Variants in MAML2 observed in about 807,000 individuals in gnomAD.
MAML2 encodes the protein mastermind like transcriptional coactivator 2, also known as mastermind-like protein 2.
Under a neutral mutation model 96.1 loss-of-function variants are expected in MAML2, and 22 were observed. The ratio of observed to expected loss-of-function variants is 0.23; its 90% CI spans 0.16 to 0.33. The LOEUF (loss-of-function observed/expected upper bound fraction) is 0.33, where lower values mean the gene tolerates loss of function less well. Among genes scored for constraint, MAML2 ranks in the 10% least tolerant of loss-of-function variants. The probability of loss-of-function intolerance (pLI) is 1.00; values close to 1 mark genes in which losing one functional copy is unlikely to be tolerated. For synonymous variants in MAML2, 561 were observed against 521.3 expected, an observed-to-expected ratio of 1.08 and a Z score of -1.04; for missense variants, 1,367 against 1,392.4, an observed-to-expected ratio of 0.98 and a Z score of 0.29.
At chr11:96,052,389 C>G (rs74481536) in intron 2 of MAML2, among the ~76,000 whole-genome samples, 5,349 of 152,234 alleles carry the variant, frequency 0.035, 310 homozygotes, top group African/African-American at 0.12. Flanking sequence ...ACTGTTTTGA[C>G]TACAGAGAAA....
At chr11:96,245,705 A>AT (rs59597889) in intron 1 of MAML2, among the ~76,000 whole-genome samples, 40,320 of 136,922 alleles carry the variant, frequency 0.29, 6,509 homozygotes, top group East Asian at 0.37. Flanking sequence ...CCCATACCTA[A>AT]TTTTTTTTTT....
At chr11:96,007,337 T>C (rs4448653) in intron 2 of MAML2, among the ~76,000 whole-genome samples, 35,835 of 151,918 alleles carry the variant, frequency 0.24, 4,539 homozygotes, top group East Asian at 0.38. Context: ...AAAGGCGTTT[T>C]TCTTCTATAA....
intron 1 of MAML2, among the ~76,000 whole-genome samples, chr11:96,144,104 G>T (rs1022914808): frequency 4.6e-5 from 7 of 152,300 alleles, no homozygotes; most frequent in African/African-American, 1.7e-4. Context: ...ATGACATAAA[G>T]AAATGAGCTT....
chr11:96,124,116 AAG>A (rs1860397644), intron 1 of MAML2, among the ~76,000 whole-genome samples: 1 of 151,470 alleles, frequency 6.6e-6, no homozygotes. Context: ...AAAAAAAAAA[AAG>A]GAGTAAACCC....
At chr11:96,026,106 C>T (rs990934663) in intron 2 of MAML2, among the ~76,000 whole-genome samples, 1 of 152,024 alleles carries the variant, frequency 6.6e-6, no homozygotes, top group African/African-American at 2.4e-5. Flanking sequence ...AGTAACTAGC[C>T]CCAGTTAGAC....
chr11:96,330,190 C>T (rs1357698630), intron 1 of MAML2, among the ~76,000 whole-genome samples: 1 of 152,052 alleles, frequency 6.6e-6, no homozygotes, highest in East Asian at 1.9e-4. Flanking sequence ...TCTGAGGAAG[C>T]CTAGGAGAAT....
chr11:96,054,855 TATTCAGATTAGAAA>T (rs1450111836), intron 2 of MAML2, among the ~76,000 whole-genome samples: 24 of 152,318 alleles, frequency 1.6e-4, no homozygotes, highest in African/African-American at 5.5e-4. Flanking sequence ...GGGATTTCTT[TATTCAGATTAGAAA>T]AAAATAAATT....
rs151222140 is a variant in MAML2, at chr11:96,123,888, G to A, written c.514-30371C>T. On this transcript the variant is annotated intron_variant, in intron 1 of 4. Coordinates refer to ENST00000524717, the MANE Select transcript of MAML2 (RefSeq NM_032427.4). ...CAGGAGTTTGAGACTAGCCTAACAT[G>A]GTGAAAACCCGTCTCTACTAATAAT... is the stretch of plus-strand genomic sequence containing the variant. 5.1e-3 allele frequency among the ~76,000 whole-genome samples: 780 copies of A among 152,072 alleles called. 8 individuals are homozygous for A. The highest frequency in any genetic ancestry group is 0.018 in the African/African-American group (757 of 41,486).
intron 1 of MAML2, among the ~76,000 whole-genome samples, chr11:96,204,928 A>C (rs566730426): frequency 1.8e-4 from 27 of 152,276 alleles, no homozygotes; most frequent in South Asian, 6.2e-4. Context: ...TATTACATTG[A>C]TCGGAGGGCC....
chr11:96,205,395 T>C (rs1861881954), intron 1 of MAML2, among the ~76,000 whole-genome samples: 1 of 152,256 alleles, frequency 6.6e-6, no homozygotes, highest in South Asian at 2.1e-4. Context: ...TTTAGCATCA[T>C]GCATTTAGCA....
At chr11:96,223,161 TAAC>T (rs1830352101) in intron 1 of MAML2, among the ~76,000 whole-genome samples, 1 of 152,172 alleles carries the variant, frequency 6.6e-6, no homozygotes, top group Non-Finnish European at 1.5e-5. Flanking sequence ...ACTGTCATTA[TAAC>T]AACATAATTA....
At chr11:96,134,972 A>G (rs1860604762) in intron 1 of MAML2, among the ~76,000 whole-genome samples, 1 of 152,218 alleles carries the variant, frequency 6.6e-6, no homozygotes, top group African/African-American at 2.4e-5. Context: ...CAGTGGACAC[A>G]TATTGAGCAT....
At chr11:96,107,536 C>T (rs570257397) in intron 1 of MAML2, among the ~76,000 whole-genome samples, 7 of 152,248 alleles carry the variant, frequency 4.6e-5, no homozygotes, top group Admixed American at 2.0e-4. Context: ...GTTACTAAAA[C>T]CCTTGGACTC....
chr11:96,318,050 C>G (rs1863654358), intron 1 of MAML2, among the ~76,000 whole-genome samples: 1 of 152,172 alleles, frequency 6.6e-6, no homozygotes, highest in African/African-American at 2.4e-5. Context: ...TACTAGGCCT[C>G]TTAATATCTT....
chr11:96,343,139 G>C lies in MAML2; in HGVS notation c.-1244C>G. 2.5e-6 allele frequency: 1 copy of C among 396,900 alleles called. No individual in the cohort carries two copies. Among genetic ancestry groups the C allele is most frequent in the Non-Finnish European group, 4.4e-6 (1 of 225,258 alleles). 24.6% of individuals were successfully genotyped at this position (396,900 alleles called of 1,614,324 possible). A position where few individuals can be genotyped will look rare whatever the true frequency, so the allele number is the denominator to read the frequency against. On this transcript the variant is annotated 5_prime_UTR_variant, in exon 1 of 5. Transcript: ENST00000524717. The stretch of plus-strand genomic sequence containing the variant: ...GACACTGGCTCGCGCCCGGAGTCAC[G>C]GCGATACACAGGCTTTCATTGTGCT...
intron 2 of MAML2, among the ~76,000 whole-genome samples, chr11:96,080,039 AG>A (rs1283848409): frequency 6.6e-6 from 1 of 152,224 alleles, no homozygotes; most frequent in African/African-American, 2.4e-5. Context: ...AAGAAAAGTT[AG>A]GTATATGACC....
At chr11:96,289,118 G>A (rs943813917) in intron 1 of MAML2, among the ~76,000 whole-genome samples, 1 of 152,168 alleles carries the variant, frequency 6.6e-6, no homozygotes, top group Non-Finnish European at 1.5e-5. Flanking sequence ...CAGAATGATA[G>A]AAAAAGACTT....
chr11:96,308,920 G>A (rs1863501737), intron 1 of MAML2, among the ~76,000 whole-genome samples: 1 of 152,192 alleles, frequency 6.6e-6, no homozygotes, highest in African/African-American at 2.4e-5. Context: ...CCATACATGT[G>A]CTATATACTT....
At chr11:96,214,723 C>T (rs1007724027) in intron 1 of MAML2, among the ~76,000 whole-genome samples, 1 of 152,326 alleles carries the variant, frequency 6.6e-6, no homozygotes, top group African/African-American at 2.4e-5. Flanking sequence ...CAGTGATTGG[C>T]TACTCACATT....
Sources: gnomAD v4.1 joint callset for allele counts (sites outside exome capture counted in the v4.1 genomes callset) on GRCh38, gnomAD v4.1.1 for gene constraint, MANE v1.5 for transcripts, NCBI Gene and HGNC (gene_info 2026-07-23, HGNC 2026-07-21) for gene names.